The following HEXD variants were observed in gnomAD, a reference collection of about 807,000 sequenced individuals.
HEXD encodes the protein N-acetyl-beta-galactosaminidase.
Under a neutral mutation model 54.2 loss-of-function variants are expected in HEXD, and 47 were observed. That is an observed-to-expected ratio of 0.87 (90% CI 0.69 to 1.11). The LOEUF (loss-of-function observed/expected upper bound fraction) is 1.11. HEXD is among the 50% of genes least tolerant of loss of function. The pLI is 0.00. For synonymous variants in HEXD, 293 were observed against 287.6 expected, an observed-to-expected ratio of 1.02 and a Z score of -0.19; for missense variants, 576 against 649.2, an observed-to-expected ratio of 0.89 and a Z score of 1.23.
chr17:82,427,979 T>C (rs2053466166), intron 3 of HEXD: 1 of 152,162 alleles, frequency 6.6e-6, no homozygotes, highest in Non-Finnish European at 1.5e-5. Flanking sequence ...TGTGGCACCT[T>C]CTGTAGCATT....
At chr17:82,440,285 C>T (rs1263350567) in intron 9 of HEXD, 7 of 1,281,758 alleles carry the variant, frequency 5.5e-6, no homozygotes, top group East Asian at 1.1e-4. Flanking sequence ...CCGAGACGCG[C>T]GGAGAGCGGG....
Position 82,442,612 on chromosome 17 carries a change from TTC to T in HEXD, c.*230_*231del. ...TTGTGATCTGCATGTGTGACACTGATTCTTTGGAAATAAAGAGTGGAAGCTGC... is the reference window on the plus strand; with the variant it reads ...TTGTGATCTGCATGTGTGACACTGATTTTGGAAATAAAGAGTGGAAGCTGC... On this transcript the variant is annotated 3_prime_UTR_variant, in exon 13 of 13. Coordinates refer to ENST00000327949, the MANE Select transcript of HEXD (RefSeq NM_001330542.2). The surrounding 1 kb of genome is among the most constrained non-coding windows in gnomAD (Gnocchi z 6.8). 1 of 1,546,780 alleles carries T rather than the reference TTC, an allele frequency of 6.5e-7. No individual in the cohort carries two copies. Among genetic ancestry groups the T allele is most frequent in the Non-Finnish European group, 8.8e-7 (1 of 1,140,030 alleles).
Position 82,418,439 on chromosome 17 carries a change from C to A in HEXD, c.-353C>A. 6.8e-7 allele frequency: 1 copy of A among 1,478,378 alleles called. No individual in the cohort carries two copies. The allele number at this position is 1,478,378 out of a possible 1,614,324, so 91.6% of individuals were successfully genotyped here. A position where few individuals can be genotyped will look rare whatever the true frequency, so the allele number is the denominator to read the frequency against. ...GCTCCGGTTCCGGCGCTCGGCCGCTCCGTTGCCCTCGGGCGCCTTGGTTGC... is the reference window on the plus strand; with the variant it reads ...GCTCCGGTTCCGGCGCTCGGCCGCTACGTTGCCCTCGGGCGCCTTGGTTGC... On this transcript the variant is annotated 5_prime_UTR_variant, in exon 1 of 13. Transcript: ENST00000327949.
chr17:82,423,550 C>T (rs1438434615), intron 2 of HEXD: 1 of 152,072 alleles, frequency 6.6e-6, no homozygotes, highest in African/African-American at 2.4e-5. Context: ...CACAGTGGCT[C>T]ACACCTGTAA....
At chr17:82,432,890 C>A (rs12948551) in intron 4 of HEXD, among the ~76,000 whole-genome samples, 3 of 147,436 alleles carry the variant, frequency 2.0e-5, no homozygotes, top group Admixed American at 6.8e-5. Context: ...GGTGAAACCC[C>A]GTCTCTACTA....
chr17:82,440,344 C>T (rs747041611), intron 9 of HEXD: 79 of 1,225,388 alleles, frequency 6.4e-5, no homozygotes, highest in Non-Finnish European at 7.7e-5. Context: ...GGTGAGAGGA[C>T]GCAGAATGAG....
chr17:82,437,031 GT>G (rs2053789920), intron 7 of HEXD, 136 bp from the exon 8 acceptor site: 1 of 790,970 alleles, frequency 1.3e-6, no homozygotes, highest in African/African-American at 1.7e-5. Context: ...ACACTCTGGA[GT>G]CTCCTACACT....
chr17:82,435,009 G>A (rs1599744518), intron 5 of HEXD, among the ~76,000 whole-genome samples: 2 of 148,740 alleles, frequency 1.3e-5, no homozygotes, highest in East Asian at 2.0e-4. Context: ...GCCAGGTGTG[G>A]TGGTGGGCGC....
chr17:82,435,118 T>C (rs2053721948), intron 5 of HEXD, among the ~76,000 whole-genome samples: 1 of 151,416 alleles, frequency 6.6e-6, no homozygotes, highest in South Asian at 2.1e-4. Flanking sequence ...GCCACTGCAC[T>C]CCAGCCTGGG....
At position 82,428,640 on chromosome 17, in the gene HEXD, A is replaced by C. The variant is rs760579529; in HGVS notation, c.277A>C (p.Met93Leu). 6.2e-7 allele frequency: 1 copy of C among 1,612,834 alleles called. No individual in the cohort carries two copies. The highest frequency in any genetic ancestry group is 8.5e-7 in the Non-Finnish European group (1 of 1,178,922). The change falls in exon 4 of 13, where the codon ATG (methionine) becomes CTG (leucine). Residue 93 changes from methionine (M) to leucine (L), a missense_variant. By Grantham distance (15) the Met-to-Leu change is conservative. Transcript: ENST00000327949. ...TCCCTTGGTGCAGACATTTGGACAC[A>C]TGGAGGTGAGTGGCAGAAATGGAAG... The part of the protein sequence containing the change: ...VIPLVQTFGH[M>L]EFVLKHTAFA...
intron 8 of HEXD, 116 bp downstream of exon 8, chr17:82,437,479 G>C: frequency 2.2e-6 from 2 of 922,082 alleles, no homozygotes; most frequent in Non-Finnish European, 3.1e-6. Flanking sequence ...GAAGCAGCCC[G>C]GGCCTCCAAG....
intron 9 of HEXD, chr17:82,439,981 T>C: frequency 2.1e-6 from 3 of 1,455,814 alleles, no homozygotes; most frequent in Non-Finnish European, 2.7e-6. Context: ...TCCGCAGAAA[T>C]GCACGCAGGT....
intron 4 of HEXD, among the ~76,000 whole-genome samples, chr17:82,431,212 C>G (rs981356322): frequency 6.6e-6 from 1 of 151,936 alleles, no homozygotes; most frequent in Non-Finnish European, 1.5e-5. Flanking sequence ...CTATGTTGCC[C>G]AGACTGGTCT....
chr17:82,429,938 G>T (rs2053529204), intron 4 of HEXD, among the ~76,000 whole-genome samples: 2 of 152,022 alleles, frequency 1.3e-5, no homozygotes, highest in Non-Finnish European at 2.9e-5. Context: ...CTGCCTGCTG[G>T]TCGCTTCCAT....
chr17:82,432,980 G>A (rs1268941714), intron 4 of HEXD, among the ~76,000 whole-genome samples: 1 of 142,900 alleles, frequency 7.0e-6, no homozygotes, highest in Non-Finnish European at 1.5e-5. Context: ...GCAGGAGAAT[G>A]GTGTGAACCT....
In HEXD at chr17:82,418,449, C is replaced by T; in HGVS notation, c.-343C>T. ...CGGCGCTCGGCCGCTCCGTTGCCCT[C>T]GGGCGCCTTGGTTGCGGCCCTCCGC... On this transcript the variant is annotated 5_prime_UTR_variant, in exon 1 of 13. Coordinates refer to ENST00000327949, the MANE Select transcript of HEXD (RefSeq NM_001330542.2). 5 of 1,476,772 alleles carry T rather than the reference C, an allele frequency of 3.4e-6. No homozygotes were observed. Among genetic ancestry groups the T allele is most frequent in the Non-Finnish European group, 3.6e-6 (4 of 1,119,758 alleles). 91.5% of individuals were successfully genotyped at this position (1,476,772 alleles called of 1,614,324 possible).
At chr17:82,420,092 A>G in intron 2 of HEXD, 1 of 385,622 alleles carries the variant, frequency 2.6e-6, no homozygotes, top group Admixed American at 4.4e-5. Flanking sequence ...GGAAAAAAAA[A>G]AAAGACAGAG....
intron 3 of HEXD, chr17:82,425,489 G>C (rs1007807046): frequency 6.5e-6 from 1 of 153,748 alleles, no homozygotes; most frequent in Non-Finnish European, 1.4e-5. Flanking sequence ...AGTTAGAGAA[G>C]AGAAGAATTA....
At chr17:82,433,542 T>C (rs2053671220) in intron 4 of HEXD, 116 bp from the exon 5 acceptor site, 2 of 1,047,636 alleles carry the variant, frequency 1.9e-6, no homozygotes, top group East Asian at 6.1e-5. Flanking sequence ...TGAGACTCTC[T>C]GCCTGGCCTA....
Sources: allele counts gnomAD v4.1 joint callset (sites outside exome capture counted in the v4.1 genomes callset), GRCh38; gene constraint gnomAD v4.1.1; non-coding constraint Gnocchi (gnomAD v3.1); transcripts MANE v1.5; gene names NCBI Gene and HGNC (gene_info 2026-07-23, HGNC 2026-07-21).